The following ARHGEF28 variants were observed in gnomAD, a reference collection of about 807,000 sequenced individuals.
ARHGEF28 encodes Rho guanine nucleotide exchange factor 28.
A neutral mutation model predicts 206.6 loss-of-function variants in ARHGEF28; 152 were observed. The observed-to-expected ratio is 0.74, with a 90% CI of 0.64 to 0.84. The LOEUF is 0.84. ARHGEF28 is among the 40% of genes least tolerant of loss of function. ARHGEF28 has a pLI of 0.00. For synonymous variants in ARHGEF28, 763 were observed against 776.4 expected, an observed-to-expected ratio of 0.98 and a Z score of 0.29; for missense variants, 2,028 against 2,073.2, an observed-to-expected ratio of 0.98 and a Z score of 0.42.
rs535389077 is a variant in ARHGEF28, at chr5:73,940,968, T to G, written c.5073T>G (p.Asp1691Glu). Residue 1691 changes from aspartate to glutamate, a missense_variant, in exon 36 of 36, where the codon GAT becomes GAG. Transcript: ENST00000513042. ...CGACAAGGACAATGACCAGACAAGA[T>G]GGGGAAACTGGAGATGGAGCCAAAG... ...NLPTRTMTRQ[D>E]GETGDGAKEN... The G allele has an allele frequency of 2.2e-5, 33 of 1,529,154 alleles. No homozygotes were observed. In the African/African-American group the frequency reaches 4.5e-4, roughly 21 times the overall value. 94.7% of individuals were successfully genotyped at this position (1,529,154 alleles called of 1,614,324 possible). A position where few individuals can be genotyped will look rare whatever the true frequency, so the allele number is the denominator to read the frequency against.
At chr5:73,807,399 T>C (rs1755574538) in intron 9 of ARHGEF28, among the ~76,000 whole-genome samples, 1 of 152,160 alleles carries the variant, frequency 6.6e-6, no homozygotes, top group Admixed American at 6.5e-5. Flanking sequence ...TCCTGTTGTT[T>C]GTCTGTTATT....
At chr5:73,654,350 G>T (rs1384639513) in intron 1 of ARHGEF28, among the ~76,000 whole-genome samples, 1 of 152,172 alleles carries the variant, frequency 6.6e-6, no homozygotes, top group Non-Finnish European at 1.5e-5. Context: ...CACTCGAGGG[G>T]CTCTCAACAC....
chr5:73,781,521 G>A (rs1028870828), intron 7 of ARHGEF28, among the ~76,000 whole-genome samples: 1 of 152,098 alleles, frequency 6.6e-6, no homozygotes, highest in Non-Finnish European at 1.5e-5. Context: ...TTCATTTGAG[G>A]TTACTTCTGC....
intron 22 of ARHGEF28, among the ~76,000 whole-genome samples, chr5:73,877,623 C>T (rs1760608973): frequency 2.0e-5 from 3 of 148,904 alleles, no homozygotes; most frequent in East Asian, 3.9e-4. Flanking sequence ...TATGTTGTGT[C>T]TTTGTTCTTG....
At chr5:73,803,159 AC>A (rs1281572421) in intron 9 of ARHGEF28, 1 of 153,356 alleles carries the variant, frequency 6.5e-6, no homozygotes, top group Non-Finnish European at 1.5e-5. Flanking sequence ...CTGCAACATC[AC>A]CAAATAATTG....
At chr5:73,780,357 T>G in intron 6 of ARHGEF28, 1 of 300,522 alleles carries the variant, frequency 3.3e-6, no homozygotes, top group South Asian at 4.1e-5. Flanking sequence ...AAGCCCTTCT[T>G]TCTGGCGTCA....
intron 31 of ARHGEF28, chr5:73,902,848 T>C (rs372444962): frequency 6.6e-6 from 1 of 152,216 alleles, no homozygotes. Flanking sequence ...AACTCATTTC[T>C]ATGGTTCTAA....
intron 26 of ARHGEF28, among the ~76,000 whole-genome samples, chr5:73,888,271 CA>C (rs1217077646): frequency 6.6e-6 from 1 of 152,206 alleles, no homozygotes; most frequent in Admixed American, 6.5e-5. Flanking sequence ...CTTCTAAAGA[CA>C]GTGTATGAAA....
At chr5:73,795,035 G>C (rs1754721621) in intron 8 of ARHGEF28, among the ~76,000 whole-genome samples, 1 of 152,202 alleles carries the variant, frequency 6.6e-6, no homozygotes, top group Non-Finnish European at 1.5e-5. Flanking sequence ...GAAGTTTGAT[G>C]TTTATAGATA....
intron 9 of ARHGEF28, among the ~76,000 whole-genome samples, chr5:73,815,061 T>C (rs1253601510): frequency 1.3e-5 from 2 of 152,164 alleles, no homozygotes; most frequent in Non-Finnish European, 2.9e-5. Context: ...TCTATTTTAT[T>C]GATTTTATAG....
rs764885911 is a variant in ARHGEF28 at position 73,858,130 on chromosome 5, A to G, written c.1958A>G (p.His653Arg). ...AAAGATAAAGAGAAGCTGAATCGACATCAGTTTGCCCCAGGAACATTCTCT... is the reference window on the plus strand; with the variant it reads ...AAAGATAAAGAGAAGCTGAATCGACGTCAGTTTGCCCCAGGAACATTCTCT... Reference protein sequence around the residue: ...DAKDKEKLNRHQFAPGTFSGV... With the variant: ...DAKDKEKLNRRQFAPGTFSGV... Residue 653 changes from histidine (H) to arginine (R), a missense_variant, in exon 16 of 36, where the codon CAT becomes CGT. By Grantham distance (29) the His-to-Arg change is conservative. Around this residue, in one of 3 missense-constraint regions of ARHGEF28, gnomAD observed 1,002 missense variants for 1,015.3 expected, o/e 0.99. Coordinates refer to ENST00000513042, the MANE Select transcript of ARHGEF28 (RefSeq NM_001177693.2). The G allele has an allele frequency of 1.2e-6, 2 of 1,612,386 alleles. No individual in the cohort carries two copies. The highest frequency in any genetic ancestry group is 1.3e-5 in the African/African-American group (1 of 74,946).
intron 20 of ARHGEF28, 73 bp downstream of exon 20, chr5:73,868,300 A>G (rs1176921999): frequency 6.9e-7 from 1 of 1,455,448 alleles, no homozygotes; most frequent in Non-Finnish European, 9.1e-7. Context: ...TCTGAAGGAA[A>G]TAAGATTGAA....
intron 1 of ARHGEF28, among the ~76,000 whole-genome samples, chr5:73,674,420 A>G (rs1466713798): frequency 6.6e-6 from 1 of 152,194 alleles, no homozygotes; most frequent in East Asian, 1.9e-4. Flanking sequence ...AAGTGCCACA[A>G]CTTTGCTGAG....
chr5:73,885,858 G>C lies in ARHGEF28; in HGVS notation c.3064G>C (p.Glu1022Gln). The C allele has an allele frequency of 1.2e-6, 2 of 1,608,100 alleles. No homozygotes were observed. Among genetic ancestry groups the C allele is most frequent in the Non-Finnish European group, 1.7e-6 (2 of 1,177,676 alleles). ...TTCTTTTTCCCACGCAGAAAGAACTGAGGAACATAAAGACTTACGCAAAGC... is the reference window on the plus strand; with the variant it reads ...TTCTTTTTCCCACGCAGAAAGAACTCAGGAACATAAAGACTTACGCAAAGC... The part of the protein sequence containing the change: ...RILQYTKERT[E>Q]EHKDLRKALC... The change falls in exon 25 of 36, where the codon GAG becomes CAG. Residue 1022 changes from glutamate (E) to glutamine (Q), a missense_variant. By Grantham distance (29) the Glu-to-Gln change is conservative. Coordinates refer to ENST00000513042, the MANE Select transcript of ARHGEF28 (RefSeq NM_001177693.2).
chr5:73,630,072 T>C (rs1386643182), intron 1 of ARHGEF28, among the ~76,000 whole-genome samples: 1 of 152,224 alleles, frequency 6.6e-6, no homozygotes, highest in Non-Finnish European at 1.5e-5. Context: ...GTGACTGCTG[T>C]GCACATGATC....
intron 13 of ARHGEF28, among the ~76,000 whole-genome samples, chr5:73,849,406 TTTTA>T (rs1191643360): frequency 6.6e-6 from 1 of 152,082 alleles, no homozygotes; most frequent in Admixed American, 6.5e-5. Flanking sequence ...CCTTAGAGGA[TTTTA>T]TTTGAGTAAA....
At chr5:73,681,257 G>C (rs1671106019) in intron 1 of ARHGEF28, among the ~76,000 whole-genome samples, 1 of 152,132 alleles carries the variant, frequency 6.6e-6, no homozygotes, top group East Asian at 1.9e-4. Context: ...CTAATATCTT[G>C]AAGTGCAGCA....
chr5:73,940,779 G>A (rs1486000146), intron 35 of ARHGEF28, 65 bp from the exon 36 acceptor site: 20 of 1,308,218 alleles, frequency 1.5e-5, no homozygotes, highest in Middle Eastern at 2.0e-4. Flanking sequence ...GAGCTCTAAC[G>A]CCAAGACATC....
intron 3 of ARHGEF28, 90 bp from the exon 4 acceptor site, chr5:73,752,819 T>C (rs1752086096): frequency 2.1e-6 from 3 of 1,455,476 alleles, no homozygotes; most frequent in Non-Finnish European, 1.9e-6. Flanking sequence ...TGTTGTCTGC[T>C]TAAGCTATGT....
Sources: allele counts gnomAD v4.1 joint callset (sites outside exome capture counted in the v4.1 genomes callset), GRCh38; gene constraint gnomAD v4.1.1; regional missense constraint gnomAD v4.1.1; transcripts MANE v1.5; gene names NCBI Gene and HGNC (gene_info 2026-07-23, HGNC 2026-07-21).